KDM2B: variants seen among roughly 807,000 people sequenced by gnomAD.
KDM2B encodes the protein lysine-specific demethylase 2B.
Under a neutral mutation model 150.0 loss-of-function variants are expected in KDM2B, and 26 were observed. The observed-to-expected ratio is 0.17, with a 90% CI of 0.13 to 0.24. KDM2B has a LOEUF of 0.24. KDM2B is among the 10% of genes least tolerant of loss of function. The probability of loss-of-function intolerance (pLI) is 1.00; values close to 1 mark genes in which losing one functional copy is unlikely to be tolerated. For missense variants in KDM2B, 1,265 were observed against 1,816.9 expected (o/e 0.70, Z 5.52); for synonymous variants, 734 against 729.5 (o/e 1.01, Z -0.10).
intron 4 of KDM2B, among the ~76,000 whole-genome samples, chr12:121,554,032 T>TA (rs1566411419): frequency 2.2e-4 from 17 of 76,602 alleles, no homozygotes; most frequent in Admixed American, 7.5e-4. Context: ...ACACCCCAGC[T>TA]CCACACACAC....
At position 121,452,979 on chromosome 12, in the gene KDM2B, C is replaced by T; in HGVS notation, c.1959+141G>A. 1.3e-6 allele frequency: 1 copy of T among 770,000 alleles called. No homozygotes were observed. The highest frequency in any genetic ancestry group is 2.0e-6 in the Non-Finnish European group (1 of 499,376). The allele number at this position is 770,000 out of a possible 1,614,324, so 47.7% of individuals were successfully genotyped here. ...TGCGAAGCGGCCAGCGCCTTCCCGT[C>T]CACAGGAAGAGCTCTCGGGGAGTCC... On this transcript the variant is annotated intron_variant, in intron 13 of 22. Coordinates refer to ENST00000377071, the MANE Select transcript of KDM2B (RefSeq NM_032590.5). This position sits in a 1 kb window ranked among gnomAD's most constrained non-coding sequence, Gnocchi z 4.4.
At chr12:121,573,271 G>A (rs1555316275) in intron 4 of KDM2B, among the ~76,000 whole-genome samples, 2 of 147,366 alleles carry the variant, frequency 1.4e-5, no homozygotes, top group East Asian at 2.0e-4. Context: ...ATATATCATT[G>A]TAAACACTGT....
rs1291233560 is a variant in KDM2B, at chr12:121,513,819, G to A, written c.1048-417C>T. ...TGAAAATTCCTGCACAGATTCTGCTGTTCCTCCCTCCTGCTTGAAAACCAG... is the reference window on the plus strand; with the variant it reads ...TGAAAATTCCTGCACAGATTCTGCTATTCCTCCCTCCTGCTTGAAAACCAG... On this transcript the variant is annotated intron_variant, in intron 9 of 22. Transcript: ENST00000377071. This position sits in a 1 kb window ranked among gnomAD's most constrained non-coding sequence, Gnocchi z 5.0. Among the ~76,000 whole-genome samples the A allele has an allele frequency of 1.3e-5, 2 of 152,154 alleles. No individual in the cohort carries two copies. Among genetic ancestry groups the A allele is most frequent in the African/African-American group, 4.8e-5 (2 of 41,420 alleles).
In KDM2B at chr12:121,493,059, CTTTTTTT is replaced by C. The variant is rs61628112; in HGVS notation, c.1734+1513_1734+1519del. 1.1e-4 allele frequency among the ~76,000 whole-genome samples: 6 copies of C among 54,080 alleles called. No homozygotes were observed. In the East Asian group the frequency reaches 1.7e-3, roughly 15 times the overall value. The allele number at this position is 54,080 out of a possible 152,430, so 35.5% of individuals were successfully genotyped here. On this transcript the variant is annotated intron_variant, in intron 12 of 22. Transcript: ENST00000377071. ...TACAGGCATGCACTATCATGCCTGG[CTTTTTTT>C]TTTTTTTTTTTTTTTTTTTTTGGTA...
chr12:121,462,656 C>A (rs989691323), intron 12 of KDM2B, among the ~76,000 whole-genome samples: 3 of 152,108 alleles, frequency 2.0e-5, no homozygotes, highest in African/African-American at 7.2e-5. Flanking sequence ...CCATGCCCAG[C>A]TAATTTTTTG....
At chr12:121,538,311 C>G (rs562659893) in intron 6 of KDM2B, among the ~76,000 whole-genome samples, 95 of 152,174 alleles carry the variant, frequency 6.2e-4, no homozygotes, top group Middle Eastern at 3.4e-3. Flanking sequence ...GCAAAGCCAC[C>G]TTCCTAAGAT....
chr12:121,429,850 C>CCAAA lies in KDM2B; in HGVS notation c.*434_*437dup, dbSNP rs1351960844. ...ATAATGTAAGATGTAACAAAACCAA[C>CCAAA]CAAACAAAAAAAAGTGTCAAGACGG... On this transcript the variant is annotated 3_prime_UTR_variant, in exon 23 of 23. Coordinates refer to ENST00000377071, the MANE Select transcript of KDM2B (RefSeq NM_032590.5). 2 of 569,462 alleles carry CCAAA rather than the reference C, an allele frequency of 3.5e-6. No individual in the cohort carries two copies. Among genetic ancestry groups the CCAAA allele is most frequent in the South Asian group, 2.5e-5 (1 of 40,468 alleles). The allele number at this position is 569,462 out of a possible 1,614,324, so 35.3% of individuals were successfully genotyped here.
At chr12:121,528,979 A>T (rs560493455) in intron 8 of KDM2B, among the ~76,000 whole-genome samples, 133 of 152,360 alleles carry the variant, frequency 8.7e-4, no homozygotes, top group African/African-American at 2.9e-3. Flanking sequence ...ATCCTCTCTG[A>T]ATCATTCTAT....
chr12:121,540,457 A>G (rs781893081), intron 6 of KDM2B, among the ~76,000 whole-genome samples: 4 of 152,134 alleles, frequency 2.6e-5, no homozygotes, highest in Non-Finnish European at 5.9e-5. Context: ...ACTGAAAAGT[A>G]GAGGATGAGG....
intron 9 of KDM2B, among the ~76,000 whole-genome samples, chr12:121,517,038 G>A (rs1034434603): frequency 3.3e-5 from 5 of 151,956 alleles, no homozygotes; most frequent in African/African-American, 1.2e-4. Context: ...GCCACTGGGA[G>A]GGGGGGAAAG....
chr12:121,570,421 A>C (rs1339998571), intron 4 of KDM2B, among the ~76,000 whole-genome samples: 1 of 152,086 alleles, frequency 6.6e-6, no homozygotes, highest in Non-Finnish European at 1.5e-5. Flanking sequence ...CCTGGCCTCA[A>C]TCGATCCTCC....
At chr12:121,576,689 G>C (rs1354760401) in intron 2 of KDM2B, among the ~76,000 whole-genome samples, 3 of 152,200 alleles carry the variant, frequency 2.0e-5, no homozygotes, top group African/African-American at 7.2e-5. Context: ...TCTGAAACCA[G>C]TGAATCTGAC....
At chr12:121,570,238 G>A (rs1198133401) in intron 4 of KDM2B, among the ~76,000 whole-genome samples, 1 of 151,958 alleles carries the variant, frequency 6.6e-6, no homozygotes, top group South Asian at 2.1e-4. Context: ...TTTTAGTAGG[G>A]ACAGGGTTTC....
intron 4 of KDM2B, among the ~76,000 whole-genome samples, chr12:121,552,824 G>C (rs1415876895): frequency 6.6e-6 from 1 of 152,168 alleles, no homozygotes; most frequent in Non-Finnish European, 1.5e-5. Context: ...TTCTTCGCTG[G>C]ATATTCTGGC....
Position 121,444,125 on chromosome 12 carries a change from C to T in KDM2B, c.2338G>A (p.Glu780Lys). The T allele has an allele frequency of 1.2e-6, 2 of 1,613,356 alleles. No homozygotes were observed. The highest frequency in any genetic ancestry group is 1.1e-5 in the South Asian group (1 of 91,090). ...CEEAPRRRSD[E>K]HSKKVPPDGL... is the part of the protein sequence containing the mutation. ...TCCGGCGGCACCTTCTTCGAGTGCT[C>T]ATCCGACCTGCGCCGGGGCGCCTCC... Residue 780 changes from glutamate (E) to lysine (K), a missense_variant, in exon 16 of 23, where the codon GAG (glutamate) becomes AAG (lysine). This residue lies in a region of KDM2B where 418 missense variants were observed against 402.4 expected (regional missense o/e 1.04). Transcript: ENST00000377071.
rs1171302817 is a variant in KDM2B at position 121,549,375 on chromosome 12, G to A, written c.576+85C>T. On this transcript the variant is annotated intron_variant, in intron 5 of 22. Coordinates refer to ENST00000377071, the MANE Select transcript of KDM2B (RefSeq NM_032590.5). The surrounding 1 kb of genome is among the most constrained non-coding windows in gnomAD (Gnocchi z 4.4). The stretch of plus-strand genomic sequence containing the variant: ...CAGCCACACCCACATGAGCCTTTTT[G>A]CAAGGCACAACCCAGGTGGCAGGGG... 1.5e-6 allele frequency: 2 copies of A among 1,317,698 alleles called. No homozygotes were observed. The highest frequency in any genetic ancestry group is 2.2e-5 in the Admixed American group (1 of 44,742). The allele number at this position is 1,317,698 out of a possible 1,614,324, so 81.6% of individuals were successfully genotyped here. A position where few individuals can be genotyped will look rare whatever the true frequency, so the allele number is the denominator to read the frequency against.
intron 6 of KDM2B, among the ~76,000 whole-genome samples, chr12:121,536,557 A>C (rs1888117849): frequency 6.6e-6 from 1 of 152,108 alleles, no homozygotes; most frequent in Non-Finnish European, 1.5e-5. Context: ...GGGGTCCTGA[A>C]GCCCTCACCC....
chr12:121,570,971 G>A (rs781965763), intron 4 of KDM2B, among the ~76,000 whole-genome samples: 4 of 152,204 alleles, frequency 2.6e-5, no homozygotes, highest in Non-Finnish European at 4.4e-5. Context: ...TAAACAAAAT[G>A]TAGTCTATCC....
In KDM2B at chr12:121,475,081, G is replaced by A. The variant is rs531753556; in HGVS notation, c.1734+19498C>T. 2.0e-5 allele frequency among the ~76,000 whole-genome samples: 3 copies of A among 152,252 alleles called. No individual in the cohort carries two copies. In the East Asian group the frequency reaches 5.8e-4, roughly 29 times the overall value. On this transcript the variant is annotated intron_variant, in intron 12 of 22. Transcript: ENST00000377071. ...CTTTACCATACAGCCCAGGTGTGTA[G>A]AGGGCTATATCATCTAGGTTTGTAT...
Sources: allele counts gnomAD v4.1 joint callset (sites outside exome capture counted in the v4.1 genomes callset), GRCh38; gene constraint gnomAD v4.1.1; regional missense constraint gnomAD v4.1.1; non-coding constraint Gnocchi (gnomAD v3.1); transcripts MANE v1.5; gene names NCBI Gene and HGNC (gene_info 2026-07-23, HGNC 2026-07-21).